DIDO1: variants seen among roughly 807,000 people sequenced by gnomAD.
The protein encoded by DIDO1 is death-inducer obliterator 1.
A neutral mutation model predicts 99.4 loss-of-function variants in DIDO1; 16 were observed. That is an observed-to-expected ratio of 0.16 (90% CI 0.11 to 0.24). The LOEUF is 0.24. Ranked by LOEUF, DIDO1 falls within the 10% of genes least tolerant of loss-of-function variation. The probability of loss-of-function intolerance (pLI) is 1.00; values close to 1 mark genes in which losing one functional copy is unlikely to be tolerated. For synonymous variants in DIDO1, 1,366 were observed against 1,239.1 expected (o/e 1.10, Z -2.15); for missense variants, 2,996 against 3,014.0 (o/e 0.99, Z 0.14).
chr20:62,922,163 G>A (rs1486502804), intron 1 of DIDO1, among the ~76,000 whole-genome samples: 1 of 144,622 alleles, frequency 6.9e-6, no homozygotes. Context: ...CACAAACAAT[G>A]CCCGGCTCTT....
chr20:62,900,111 T>C (rs1264495624), intron 6 of DIDO1, among the ~76,000 whole-genome samples: 1 of 152,180 alleles, frequency 6.6e-6, no homozygotes, highest in African/African-American at 2.4e-5. Flanking sequence ...TACACGCTGC[T>C]GGGCCCCCTG....
chr20:62,920,022 T>C (rs183093314), intron 1 of DIDO1, among the ~76,000 whole-genome samples: 6 of 152,244 alleles, frequency 3.9e-5, no homozygotes, highest in African/African-American at 1.4e-4. Flanking sequence ...AAAAAGAAAG[T>C]ATGGTTTCAA....
intron 1 of DIDO1, among the ~76,000 whole-genome samples, chr20:62,923,649 AGTG>A (rs1256641554): frequency 6.6e-6 from 1 of 152,156 alleles, no homozygotes; most frequent in East Asian, 1.9e-4. Flanking sequence ...CACCCTTTCT[AGTG>A]TCTTTACTTT....
At chr20:62,889,622 G>A (rs1028897440) in intron 15 of DIDO1, 40 of 985,334 alleles carry the variant, frequency 4.1e-5, no homozygotes, top group South Asian at 3.8e-4. Flanking sequence ...CCAGCTTCTC[G>A]GTCTTCACCT....
chr20:62,885,070 G>A (rs1024323655), intron 15 of DIDO1, among the ~76,000 whole-genome samples: 3 of 152,220 alleles, frequency 2.0e-5, no homozygotes, highest in African/African-American at 4.8e-5. Context: ...GGGTATGTTC[G>A]GTTATGAAAT....
At chr20:62,905,608 G>C (rs752826112) in intron 6 of DIDO1, 15 of 1,551,950 alleles carry the variant, frequency 9.7e-6, no homozygotes, top group Non-Finnish European at 1.3e-5. Flanking sequence ...GAGCCTGAGA[G>C]TGAAAACAGA....
chr20:62,896,400 GAATAA>G lies in DIDO1; in HGVS notation c.2055-13_2055-9del. 6.2e-7 allele frequency: 1 copy of G among 1,601,118 alleles called. No homozygotes were observed. The highest frequency in any genetic ancestry group is 8.5e-7 in the Non-Finnish European group (1 of 1,176,794). ...TCATCGCTGTCATTGACTCTGAACAGAATAAAAAAAAGGAACTACATAAGACACTT... is the reference window on the plus strand; with the variant it reads ...TCATCGCTGTCATTGACTCTGAACAGAAAAAAGGAACTACATAAGACACTT... On this transcript the variant is annotated splice_polypyrimidine_tract_variant and intron_variant, in intron 7 of 15. Transcript: ENST00000395343. The surrounding 1 kb of genome is among the most constrained non-coding windows in gnomAD (Gnocchi z 4.4).
At chr20:62,925,543 C>G (rs1364177799) in intron 1 of DIDO1, among the ~76,000 whole-genome samples, 3 of 152,318 alleles carry the variant, frequency 2.0e-5, no homozygotes, top group Admixed American at 2.0e-4. Flanking sequence ...GGCCCAGGCA[C>G]AAGTTAAAGA....
At chr20:62,899,798 G>C (rs1184571504) in intron 6 of DIDO1, among the ~76,000 whole-genome samples, 1 of 152,198 alleles carries the variant, frequency 6.6e-6, no homozygotes, top group Non-Finnish European at 1.5e-5. Context: ...ACAACACGCA[G>C]AAAGCCCCAT....
intron 6 of DIDO1, among the ~76,000 whole-genome samples, chr20:62,903,878 C>G (rs1286002968): frequency 2.0e-5 from 3 of 152,142 alleles, no homozygotes; most frequent in Non-Finnish European, 4.4e-5. Context: ...GAGAAGAGGT[C>G]AGAGTACCCC....
In DIDO1 at chr20:62,894,617, C is replaced by G. The variant is rs1463148545; in HGVS notation, c.2437-69G>C. ...AACTCAGCTCCAAATTAACCACACACAAGAAAAGCAGTCTCATGGGATTGA... is the reference window on the plus strand; with the variant it reads ...AACTCAGCTCCAAATTAACCACACAGAAGAAAAGCAGTCTCATGGGATTGA... On this transcript the variant is annotated intron_variant, in intron 10 of 15. Coordinates refer to ENST00000395343, the MANE Select transcript of DIDO1 (RefSeq NM_001193369.2). The surrounding 1 kb of genome is among the most constrained non-coding windows in gnomAD (Gnocchi z 4.4). 1.9e-6 allele frequency: 3 copies of G among 1,565,858 alleles called. No homozygotes were observed. Among genetic ancestry groups the G allele is most frequent in the African/African-American group, 2.7e-5 (2 of 73,510 alleles).
rs763834832 is a variant in DIDO1, at chr20:62,894,206, G to A, written c.2573-12C>T. The A allele has an allele frequency of 6.0e-5, 96 of 1,607,558 alleles. No individual in the cohort carries two copies. The Middle Eastern group carries it at 1.0e-3, about 17-fold the overall frequency. On this transcript the variant is annotated splice_polypyrimidine_tract_variant and intron_variant, in intron 11 of 15. Transcript: ENST00000395343. This position sits in a 1 kb window ranked among gnomAD's most constrained non-coding sequence, Gnocchi z 4.4. ...GGAGGGAACCTGGCCTGAAGAAGGC[G>A]AGGAAAGGCTCTGTGAGAAACCCAG...
upstream of DIDO1, chr20:62,928,658 C>A (rs1178399413): frequency 6.6e-6 from 1 of 152,128 alleles, no homozygotes; most frequent in Non-Finnish European, 1.5e-5. Context: ...AAAGTAAAAC[C>A]CAAAGGAGGA....
chr20:62,906,792 C>T (rs561144066), intron 5 of DIDO1, among the ~76,000 whole-genome samples: 2 of 152,268 alleles, frequency 1.3e-5, no homozygotes, highest in Admixed American at 1.3e-4. Context: ...AGACCACAGC[C>T]TTGCCCCGAA....
chr20:62,918,282 T>C (rs2065074000), intron 1 of DIDO1, among the ~76,000 whole-genome samples: 1 of 152,254 alleles, frequency 6.6e-6, no homozygotes, highest in African/African-American at 2.4e-5. Context: ...TAAAATCTGC[T>C]TGAAGTCATT....
chr20:62,882,735 C>T (rs1050470903), intron 15 of DIDO1, among the ~76,000 whole-genome samples: 1 of 149,876 alleles, frequency 6.7e-6, no homozygotes, highest in African/African-American at 2.5e-5. Flanking sequence ...GGAATTCATC[C>T]CAATCGTCTG....
intron 4 of DIDO1, among the ~76,000 whole-genome samples, chr20:62,909,374 TG>T (rs936151269): frequency 9.2e-5 from 14 of 152,236 alleles, no homozygotes; most frequent in African/African-American, 3.1e-4. Context: ...ACGAGGCAGC[TG>T]GAGACAGCAG....
At chr20:62,929,692 A>AAAAAAAAAAAAATATAT, upstream of DIDO1, among the ~76,000 whole-genome samples, 2 of 63,710 alleles carry the variant, frequency 3.1e-5, no homozygotes, top group African/African-American at 1.5e-4. Flanking sequence ...AAAAAGAAAA[A>AAAAAAAAAAAAATATAT]GTGTATATAT....
chr20:62,903,148 G>A (rs1213576375), intron 6 of DIDO1, among the ~76,000 whole-genome samples: 1 of 152,200 alleles, frequency 6.6e-6, no homozygotes, highest in East Asian at 1.9e-4. Flanking sequence ...TAAATAAACT[G>A]TATATATAAG....
Sources: gnomAD v4.1 joint callset for allele counts (sites outside exome capture counted in the v4.1 genomes callset) on GRCh38, gnomAD v4.1.1 for gene constraint, Gnocchi (gnomAD v3.1) non-coding constraint, MANE v1.5 for transcripts, NCBI Gene and HGNC (gene_info 2026-07-23, HGNC 2026-07-21) for gene names.